Variants in LAMA3 observed in about 807,000 individuals in gnomAD.
LAMA3 encodes laminin subunit alpha-3.
A neutral mutation model predicts 402.0 loss-of-function variants in LAMA3; 281 were observed. That is an observed-to-expected ratio of 0.70 (90% CI 0.63 to 0.77). The LOEUF (loss-of-function observed/expected upper bound fraction) is 0.77, where lower values mean the gene tolerates loss of function less well. LAMA3 is among the 30% of genes least tolerant of loss of function. The probability of loss-of-function intolerance (pLI) is 0.00; values close to 1 mark genes in which losing one functional copy is unlikely to be tolerated. For synonymous variants in LAMA3, 1,431 were observed against 1,558.4 expected, an observed-to-expected ratio of 0.92 and a Z score of 1.93; for missense variants, 3,840 against 4,215.5, an observed-to-expected ratio of 0.91 and a Z score of 2.47.
intron 19 of LAMA3, among the ~76,000 whole-genome samples, chr18:23,821,427 A>G (rs1170020013): frequency 6.6e-6 from 1 of 152,256 alleles, no homozygotes; most frequent in Non-Finnish European, 1.5e-5. Context: ...GCTTAAAAAA[A>G]TATCCCCTTC....
intron 72 of LAMA3, among the ~76,000 whole-genome samples, 171 bp from the exon 73 acceptor site, chr18:23,951,513 C>G (rs917988247): frequency 1.3e-5 from 2 of 152,118 alleles, no homozygotes; most frequent in African/African-American, 4.8e-5. Context: ...GCAGAGAGAT[C>G]TCTGGAAGCA....
intron 12 of LAMA3, among the ~76,000 whole-genome samples, chr18:23,789,208 C>T (rs1185944777): frequency 6.6e-6 from 1 of 152,122 alleles, no homozygotes; most frequent in African/African-American, 2.4e-5. Context: ...TTTGAACCCT[C>T]ATACATTGAT....
intron 1 of LAMA3, among the ~76,000 whole-genome samples, chr18:23,710,452 C>T (rs1296386800): frequency 6.6e-6 from 1 of 152,212 alleles, no homozygotes; most frequent in African/African-American, 2.4e-5. Context: ...TCTTCAACCG[C>T]AAGTCTACTT....
intron 17 of LAMA3, among the ~76,000 whole-genome samples, chr18:23,815,776 C>T (rs907782472): frequency 6.6e-6 from 1 of 152,138 alleles, no homozygotes; most frequent in African/African-American, 2.4e-5. Flanking sequence ...TTCTCTTCTA[C>T]CAGCACACTG....
At chr18:23,946,577 G>A (rs769451470) in intron 70 of LAMA3, 32 of 400,116 alleles carry the variant, frequency 8.0e-5, no homozygotes, top group South Asian at 1.8e-4. Context: ...ATGCAAAAAC[G>A]TAGGTTTTAG....
chr18:23,932,914 G>A (rs1463540183), intron 66 of LAMA3, among the ~76,000 whole-genome samples: 1 of 152,186 alleles, frequency 6.6e-6, no homozygotes, highest in Non-Finnish European at 1.5e-5. Flanking sequence ...TGGCCAGGAT[G>A]AGGCTTAGAG....
At chr18:23,771,575 A>G (rs559454745) in intron 8 of LAMA3, among the ~76,000 whole-genome samples, 1 of 152,350 alleles carries the variant, frequency 6.6e-6, no homozygotes, top group East Asian at 1.9e-4. Context: ...AAATTTTATA[A>G]CAGAAGAAAA....
At chr18:23,756,723 C>T (rs550805494) in intron 6 of LAMA3, among the ~76,000 whole-genome samples, 2 of 152,256 alleles carry the variant, frequency 1.3e-5, no homozygotes, top group African/African-American at 2.4e-5. Context: ...TTGTAAGGGC[C>T]GGACGAAGAA....
intron 23 of LAMA3, 26 bp from the exon 24 acceptor site, chr18:23,833,802 G>A (rs979261480): frequency 5.0e-6 from 8 of 1,612,188 alleles, no homozygotes; most frequent in Non-Finnish European, 6.8e-6. Flanking sequence ...CTGGATCACA[G>A]TCTGTCTGCT....
intron 70 of LAMA3, among the ~76,000 whole-genome samples, chr18:23,949,128 G>A (rs950391593): frequency 3.9e-5 from 6 of 152,242 alleles, no homozygotes; most frequent in Admixed American, 3.9e-4. Context: ...TGTTCCAGCC[G>A]GCTCTAGGCA....
At chr18:23,759,515 C>T (rs2061926083) in intron 7 of LAMA3, among the ~76,000 whole-genome samples, 1 of 152,114 alleles carries the variant, frequency 6.6e-6, no homozygotes, top group Admixed American at 6.5e-5. Context: ...CCTGCCTCAG[C>T]CTCTCCAGTA....
In LAMA3 at chr18:23,939,107, A is replaced by G; in HGVS notation, c.8863-116A>G. 3.6e-6 allele frequency: 4 copies of G among 1,102,714 alleles called. No homozygotes were observed. The Admixed American group carries it at 5.2e-5, about 14-fold the overall frequency. 68.3% of individuals were successfully genotyped at this position (1,102,714 alleles called of 1,614,324 possible). ...CCATCTCCATGGTACCAGGCCTTCT[A>G]TTGCCCTACTGAATTCCTCACTTAG... On this transcript the variant is annotated intron_variant, in intron 67 of 74. Coordinates refer to ENST00000313654, the MANE Select transcript of LAMA3 (RefSeq NM_198129.4).
intron 18 of LAMA3, among the ~76,000 whole-genome samples, chr18:23,817,381 T>G (rs1164449621): frequency 6.6e-6 from 1 of 152,238 alleles, no homozygotes; most frequent in Non-Finnish European, 1.5e-5. Flanking sequence ...TTTTATGTCG[T>G]GGAGGTAAAT....
chr18:23,692,492 G>A (rs1420495171), intron 1 of LAMA3, among the ~76,000 whole-genome samples: 1 of 152,050 alleles, frequency 6.6e-6, no homozygotes, highest in African/African-American at 2.4e-5. Context: ...GGCTGGTCTC[G>A]AACTACTGAC....
At chr18:23,746,895 AC>A (rs1047541219) in intron 2 of LAMA3, among the ~76,000 whole-genome samples, 6 of 151,966 alleles carry the variant, frequency 3.9e-5, no homozygotes, top group South Asian at 2.1e-4. Context: ...AAAAAAAAAA[AC>A]AACTTACCAT....
chr18:23,743,172 A>G (rs546592488), intron 2 of LAMA3, among the ~76,000 whole-genome samples: 1 of 152,320 alleles, frequency 6.6e-6, no homozygotes, highest in African/African-American at 2.4e-5. Context: ...TATGAAGTAG[A>G]TATTATTCTT....
At chr18:23,941,330 C>G (rs1407379992) in intron 68 of LAMA3, among the ~76,000 whole-genome samples, 19 of 140,624 alleles carry the variant, frequency 1.4e-4, no homozygotes, top group Middle Eastern at 3.5e-3. Flanking sequence ...CTTGGCGCCC[C>G]CCCCCCGCCC....
At chr18:23,836,533 G>A (rs1372847493) in intron 24 of LAMA3, among the ~76,000 whole-genome samples, 1 of 152,212 alleles carries the variant, frequency 6.6e-6, no homozygotes, top group African/African-American at 2.4e-5. Context: ...GAACCAGACT[G>A]AGTTTCAGAG....
intron 18 of LAMA3, among the ~76,000 whole-genome samples, chr18:23,818,487 A>G (rs1394423122): frequency 6.6e-6 from 1 of 152,250 alleles, no homozygotes; most frequent in Non-Finnish European, 1.5e-5. Context: ...CAACATGACA[A>G]TCTTGCATCC....
Sources: allele counts gnomAD v4.1 joint callset (sites outside exome capture counted in the v4.1 genomes callset), GRCh38; gene constraint gnomAD v4.1.1; transcripts MANE v1.5; gene names NCBI Gene and HGNC (gene_info 2026-07-23, HGNC 2026-07-21).